Variants in SYNGR1 observed in about 807,000 individuals in gnomAD.
SYNGR1 encodes the protein synaptogyrin-1.
Under a neutral mutation model 26.1 loss-of-function variants are expected in SYNGR1, and 14 were observed. The ratio of observed to expected loss-of-function variants is 0.54; its 90% CI spans 0.35 to 0.84. The LOEUF (loss-of-function observed/expected upper bound fraction) is 0.84. SYNGR1 is among the 40% of genes least tolerant of loss of function. The pLI is 0.01. For missense variants in SYNGR1, 319 were observed against 332.9 expected, an observed-to-expected ratio of 0.96 and a Z score of 0.33; for synonymous variants, 141 against 150.1, an observed-to-expected ratio of 0.94 and a Z score of 0.44.
intron 3 of SYNGR1, among the ~76,000 whole-genome samples, chr22:39,379,417 T>G (rs1342128685): frequency 2.0e-5 from 3 of 152,226 alleles, no homozygotes; most frequent in Non-Finnish European, 4.4e-5. Flanking sequence ...GCGGATCACC[T>G]GAGGTCAGGA....
intron 3 of SYNGR1, chr22:39,378,361 G>A: frequency 5.3e-6 from 5 of 948,342 alleles, no homozygotes; most frequent in African/African-American, 3.8e-5. Flanking sequence ...CTCAATAAAT[G>A]TAAGCTCTTT....
chr22:39,379,916 T>G (rs1925444063), intron 3 of SYNGR1: 1 of 151,994 alleles, frequency 6.6e-6, no homozygotes, highest in African/African-American at 2.4e-5. Context: ...AAAACAGGGG[T>G]CTGGAGAGTA....
chr22:39,351,775 G>T (rs2069235), intron 1 of SYNGR1, among the ~76,000 whole-genome samples: 1 of 152,112 alleles, frequency 6.6e-6, no homozygotes, highest in Non-Finnish European at 1.5e-5. Flanking sequence ...CCTTGTTCTC[G>T]GGAAGCCACA....
At chr22:39,365,313 G>T (rs1371920072) in intron 1 of SYNGR1, among the ~76,000 whole-genome samples, 1 of 152,194 alleles carries the variant, frequency 6.6e-6, no homozygotes, top group African/African-American at 2.4e-5. Flanking sequence ...CAGGGATGCT[G>T]CCTGGCACAG....
In SYNGR1 at chr22:39,381,818, C is replaced by A; in HGVS notation, c.606C>A (p.Pro202=). 1 of 1,471,322 alleles carries A rather than the reference C, an allele frequency of 6.8e-7. No individual in the cohort carries two copies. The highest frequency in any genetic ancestry group is 8.9e-7 in the Non-Finnish European group (1 of 1,119,346). The allele number at this position is 1,471,322 out of a possible 1,614,324, so 91.1% of individuals were successfully genotyped here. A position where few individuals can be genotyped will look rare whatever the true frequency, so the allele number is the denominator to read the frequency against. ...TGCCTTACGCGCCCTACGTGGAGCCCACTGGGCCGGATCCCGCCGGTATGG... is the reference window on the plus strand; with the variant it reads ...TGCCTTACGCGCCCTACGTGGAGCCAACTGGGCCGGATCCCGCCGGTATGG... ...SSMPYAPYVE[P]TGPDPAGMGG... The change falls in exon 4 of 4, where the codon CCC becomes CCA. Residue 202 remains proline (P), a synonymous_variant. Transcript: ENST00000328933.
chr22:39,360,984 G>A (rs1407125184), intron 1 of SYNGR1, among the ~76,000 whole-genome samples: 1 of 152,200 alleles, frequency 6.6e-6, no homozygotes, highest in Non-Finnish European at 1.5e-5. Flanking sequence ...GATGGACGTG[G>A]CGGGAACTGC....
intron 2 of SYNGR1, chr22:39,375,760 C>A: frequency 1.7e-6 from 1 of 603,072 alleles, no homozygotes; most frequent in South Asian, 2.0e-5. Context: ...TCTGTCTCTC[C>A]CTCCATCCTC....
At chr22:39,361,439 A>G (rs943244717) in intron 1 of SYNGR1, among the ~76,000 whole-genome samples, 1 of 149,404 alleles carries the variant, frequency 6.7e-6, no homozygotes, top group African/African-American at 2.5e-5. Context: ...ACTCACTGCA[A>G]CCTCCACAAT....
At chr22:39,351,582 G>A (rs1011053549) in intron 1 of SYNGR1, among the ~76,000 whole-genome samples, 1 of 152,270 alleles carries the variant, frequency 6.6e-6, no homozygotes, top group Non-Finnish European at 1.5e-5. Context: ...CGGATCAGGC[G>A]GGTGGGCTGC....
At position 39,381,836 on chromosome 22, in the gene SYNGR1, C is replaced by T. The variant is rs140209478; in HGVS notation, c.624C>T (p.Ala208=). The T allele has an allele frequency of 2.0e-4, 324 of 1,613,018 alleles. No homozygotes were observed. The highest frequency in any genetic ancestry group is 4.3e-4 in the African/African-American group (32 of 75,054). ...TGGAGCCCACTGGGCCGGATCCCGC[C>T]GGTATGGGCGGCACCTACCAGCAGC... The part of the protein sequence containing the change: ...PYVEPTGPDP[A]GMGGTYQQPA... Residue 208 remains alanine, a synonymous_variant, in exon 4 of 4, where the codon GCC becomes GCT. Coordinates refer to ENST00000328933, the MANE Select transcript of SYNGR1 (RefSeq NM_004711.5).
chr22:39,367,822 CAAA>C (rs749046250), intron 1 of SYNGR1, among the ~76,000 whole-genome samples: 3 of 54,346 alleles, frequency 5.5e-5, no homozygotes, highest in South Asian at 6.3e-4. Context: ...GACCCTGTCT[CAAA>C]AAAAAAAAAA....
At chr22:39,368,054 C>A (rs985096958) in intron 1 of SYNGR1, among the ~76,000 whole-genome samples, 1 of 152,176 alleles carries the variant, frequency 6.6e-6, no homozygotes, top group South Asian at 2.1e-4. Flanking sequence ...CAATCGGAGG[C>A]CCTGCTTCAG....
chr22:39,358,779 A>C (rs948428325), intron 1 of SYNGR1, among the ~76,000 whole-genome samples: 3 of 152,014 alleles, frequency 2.0e-5, no homozygotes, highest in Non-Finnish European at 2.9e-5. Context: ...AGAACCCACC[A>C]ATTCCGGACA....
rs113447684 is a variant in SYNGR1 at position 39,360,211 on chromosome 22, C to T, written c.99+10102C>T. ...TTCCTCTCACCTACTCAAGGACACA[C>T]GTCCATCAGTTCTCTCTCCCTCTCT... On this transcript the variant is annotated intron_variant, in intron 1 of 3. Coordinates refer to ENST00000328933, the MANE Select transcript of SYNGR1 (RefSeq NM_004711.5). Among the ~76,000 whole-genome samples, 335 of 152,322 alleles carry T rather than the reference C, an allele frequency of 2.2e-3. 2 individuals carry two copies. Among genetic ancestry groups the T allele is most frequent in the African/African-American group, 7.8e-3 (323 of 41,570 alleles).
Position 39,376,172 on chromosome 22 carries a change from TCTC to T in SYNGR1, c.461_463del (p.Ser154del). The stretch of plus-strand genomic sequence containing the variant: ...GACGCAGCCCGGGCCGCCATCGCCT[TCTC>T]CTTTTTCTCCATCTTCACCTGGGTG... On this transcript the variant is annotated inframe_deletion, in exon 3 of 4. Coordinates refer to ENST00000328933, the MANE Select transcript of SYNGR1 (RefSeq NM_004711.5). 1 of 1,614,020 alleles carries T rather than the reference TCTC, an allele frequency of 6.2e-7. No homozygotes were observed. The highest frequency in any genetic ancestry group is 8.5e-7 in the Non-Finnish European group (1 of 1,180,002).
intron 1 of SYNGR1, among the ~76,000 whole-genome samples, chr22:39,355,201 C>T (rs558072590): frequency 6.6e-6 from 1 of 152,322 alleles, no homozygotes; most frequent in Admixed American, 6.5e-5. Context: ...ATGACAGACT[C>T]ACAAGCTGGA....
chr22:39,375,636 T>C, intron 2 of SYNGR1: 1 of 500,232 alleles, frequency 2.0e-6, no homozygotes, highest in South Asian at 3.1e-5. Context: ...TCTTCCTGCC[T>C]GCAGAGTTGC....
intron 2 of SYNGR1, chr22:39,375,500 T>C: frequency 4.8e-6 from 1 of 208,928 alleles, no homozygotes; most frequent in Non-Finnish European, 9.7e-6. Flanking sequence ...TCGCTAAACC[T>C]GGGGCTCTGT....
chr22:39,363,251 G>C (rs939742046), intron 1 of SYNGR1, among the ~76,000 whole-genome samples: 1 of 152,008 alleles, frequency 6.6e-6, no homozygotes, highest in Non-Finnish European at 1.5e-5. Flanking sequence ...CTGGGCAGGG[G>C]GCGGTGGGTG....
Sources: gnomAD v4.1 joint callset for allele counts (sites outside exome capture counted in the v4.1 genomes callset) on GRCh38, gnomAD v4.1.1 for gene constraint, MANE v1.5 for transcripts, NCBI Gene and HGNC (gene_info 2026-07-23, HGNC 2026-07-21) for gene names.